The following CENPC variants were observed in gnomAD, a reference collection of about 807,000 sequenced individuals.
The protein encoded by CENPC is CENP-C 1.
Under a neutral mutation model 112.1 loss-of-function variants are expected in CENPC, and 63 were observed. The ratio of observed to expected loss-of-function variants is 0.56; its 90% CI spans 0.46 to 0.69. The LOEUF is 0.69. Ranked by LOEUF, CENPC falls within the 30% of genes least tolerant of loss-of-function variation. CENPC has a pLI of 0.00. For synonymous variants in CENPC, 333 were observed against 367.6 expected (o/e 0.91, Z 1.08); for missense variants, 1,000 against 1,103.8 (o/e 0.91, Z 1.33).
chr4:67,540,888 A>T, intron 3 of CENPC, 92 bp downstream of exon 3: 1 of 896,552 alleles, frequency 1.1e-6, no homozygotes, highest in South Asian at 1.5e-5. Flanking sequence ...TAAACCCTAG[A>T]ACATATTTGC....
intron 12 of CENPC, among the ~76,000 whole-genome samples, chr4:67,504,018 A>C (rs1467607829): frequency 6.6e-6 from 1 of 150,650 alleles, no homozygotes; most frequent in Admixed American, 6.7e-5. Context: ...AGATAAGGAA[A>C]CTGAAGTTTA....
intron 2 of CENPC, among the ~76,000 whole-genome samples, chr4:67,543,809 T>A (rs577942034): frequency 3.3e-5 from 5 of 152,328 alleles, no homozygotes; most frequent in African/African-American, 1.2e-4. Context: ...CACGACAGCA[T>A]GTACTATTTT....
At chr4:67,508,097 A>C (rs1041696506) in intron 10 of CENPC, among the ~76,000 whole-genome samples, 4 of 152,170 alleles carry the variant, frequency 2.6e-5, no homozygotes, top group African/African-American at 9.7e-5. Flanking sequence ...GAACTCAAAA[A>C]ATGTTAACTA....
chr4:67,469,915 T>C lies in CENPC; in HGVS notation c.*2690A>G, dbSNP rs1002484352. ...CCACTGAAAAAGAGCTCCAGAAATC[T>C]GCACGAGGTGCCCAAGAACAGAACT... On this transcript the variant is annotated 3_prime_UTR_variant, in exon 19 of 19. Transcript: ENST00000273853. The C allele has an allele frequency of 1.3e-5, 2 of 152,362 alleles. No individual in the cohort carries two copies. The highest frequency in any genetic ancestry group is 1.3e-4 in the Admixed American group (2 of 15,306). The allele number at this position is 152,362 out of a possible 1,614,324, so 9.4% of individuals were successfully genotyped here. A position where few individuals can be genotyped will look rare whatever the true frequency, so the allele number is the denominator to read the frequency against.
At chr4:67,544,117 A>C in intron 2 of CENPC, 32 bp downstream of exon 2, 2 of 1,197,772 alleles carry the variant, frequency 1.7e-6, no homozygotes, top group Non-Finnish European at 2.5e-6. Context: ...TGAGAATAAA[A>C]ATAATCTTAA....
intron 9 of CENPC, among the ~76,000 whole-genome samples, chr4:67,511,594 G>C (rs1231892187): frequency 6.6e-6 from 1 of 152,122 alleles, no homozygotes; most frequent in East Asian, 1.9e-4. Context: ...ATTGGCAAAC[G>C]TGGTGTTGTG....
chr4:67,523,264 G>T (rs66690864), intron 5 of CENPC, among the ~76,000 whole-genome samples: 34,114 of 151,898 alleles, frequency 0.22, 4,392 homozygotes, highest in Middle Eastern at 0.36. Flanking sequence ...AGTGAGCCGA[G>T]ATCACGCCAC....
rs1202885312 is a variant in CENPC, at chr4:67,469,722, A to G, written c.*2883T>C. 1 of 152,242 alleles carries G rather than the reference A, an allele frequency of 6.6e-6. No homozygotes were observed. Among genetic ancestry groups the G allele is most frequent in the East Asian group, 1.9e-4 (1 of 5,202 alleles). 9.4% of individuals were successfully genotyped at this position (152,242 alleles called of 1,614,324 possible). A position where few individuals can be genotyped will look rare whatever the true frequency, so the allele number is the denominator to read the frequency against. ...GGCAGGACTGTGATTCTTTAAAGAC[A>G]TGAAATTAACTCCATAGTCACCCAG... On this transcript the variant is annotated 3_prime_UTR_variant, in exon 19 of 19. Coordinates refer to ENST00000273853, the MANE Select transcript of CENPC (RefSeq NM_001812.4).
chr4:67,475,224 G>A (rs547010035), intron 17 of CENPC, among the ~76,000 whole-genome samples: 2 of 152,324 alleles, frequency 1.3e-5, no homozygotes, highest in Admixed American at 6.5e-5. Context: ...TCTCCTGCTG[G>A]AAGCAGAGAA....
At position 67,508,825 on chromosome 4, in the gene CENPC, A is replaced by C; in HGVS notation, c.1893T>G (p.Leu631=). The change falls in exon 10 of 19, where the codon CTT becomes CTG. Residue 631 remains leucine, a synonymous_variant. Coordinates refer to ENST00000273853, the MANE Select transcript of CENPC (RefSeq NM_001812.4). The part of the protein sequence containing the change: ...DEADLAKKKN[L]DCSRSTRSSK... The stretch of plus-strand genomic sequence containing the variant: ...ATAACAGACATTACCTAGAACAATC[A>C]AGATTTTTCTTCTTAGCCAAGTCTG... The C allele has an allele frequency of 6.2e-7, 1 of 1,613,032 alleles. No individual in the cohort carries two copies. The highest frequency in any genetic ancestry group is 8.5e-7 in the Non-Finnish European group (1 of 1,179,488).
At chr4:67,525,306 CA>C (rs1384596391) in intron 5 of CENPC, among the ~76,000 whole-genome samples, 1 of 152,108 alleles carries the variant, frequency 6.6e-6, no homozygotes, top group East Asian at 1.9e-4. Flanking sequence ...GCAATTGCAA[CA>C]AAAGCCAAAA....
chr4:67,513,563 G>A (rs993370633), intron 8 of CENPC, among the ~76,000 whole-genome samples: 3 of 152,064 alleles, frequency 2.0e-5, no homozygotes, highest in Non-Finnish European at 4.4e-5. Context: ...TCCTATGCAT[G>A]TATGTATATT....
Position 67,540,988 on chromosome 4 carries a change from T to G in CENPC, c.128A>C (p.Glu43Ala). The G allele has an allele frequency of 6.2e-7, 1 of 1,606,386 alleles. No individual in the cohort carries two copies. The highest frequency in any genetic ancestry group is 8.5e-7 in the Non-Finnish European group (1 of 1,175,818). The change falls in exon 3 of 19, where the codon GAA becomes GCA. Residue 43 changes from glutamate (E) to alanine (A), a missense_variant. Coordinates refer to ENST00000273853, the MANE Select transcript of CENPC (RefSeq NM_001812.4). ...NVLEILQDCF[E>A]EKSLANDFST... is the part of the protein sequence containing the mutation. ...TTGAAATGAAGCCTTACTTTTTTCT[T>G]CAAAACAGTCTTGTAAGATTTCCAG...
chr4:67,471,310 A>G lies in CENPC; in HGVS notation c.*1295T>C, dbSNP rs1724654707. ...GTCCAGTCAAAATGCTAAATTTAAA[A>G]CAATACAAATCCCTTAGATATAAAA... On this transcript the variant is annotated 3_prime_UTR_variant, in exon 19 of 19. Transcript: ENST00000273853. The G allele has an allele frequency of 6.6e-6, 1 of 152,198 alleles. No homozygotes were observed. The highest frequency in any genetic ancestry group is 1.5e-5 in the Non-Finnish European group (1 of 68,032). The allele number at this position is 152,198 out of a possible 1,614,324, so 9.4% of individuals were successfully genotyped here. A position where few individuals can be genotyped will look rare whatever the true frequency, so the allele number is the denominator to read the frequency against.
intron 5 of CENPC, among the ~76,000 whole-genome samples, chr4:67,520,991 G>A (rs355505): frequency 4.4e-4 from 67 of 151,596 alleles, no homozygotes; most frequent in African/African-American, 1.6e-3. Flanking sequence ...CAGCCTGAGC[G>A]ACAGAGCAAG....
chr4:67,521,811 C>T (rs1484566388), intron 5 of CENPC, among the ~76,000 whole-genome samples: 1 of 152,164 alleles, frequency 6.6e-6, no homozygotes. Flanking sequence ...AATTCTGACA[C>T]ATACTACAAC....
intron 5 of CENPC, among the ~76,000 whole-genome samples, chr4:67,527,032 C>T (rs1380721339): frequency 6.6e-6 from 1 of 152,032 alleles, no homozygotes; most frequent in African/African-American, 2.4e-5. Context: ...TTCTAAATAA[C>T]CAATAGGCTA....
intron 9 of CENPC, chr4:67,511,033 A>G (rs1326139238): frequency 4.4e-6 from 2 of 456,056 alleles, no homozygotes; most frequent in African/African-American, 4.0e-5. Context: ...AACCTGGGGC[A>G]GAAAAGTGAG....
intron 17 of CENPC, among the ~76,000 whole-genome samples, chr4:67,482,464 G>A (rs1724981529): frequency 1.3e-5 from 2 of 152,196 alleles, no homozygotes; most frequent in Admixed American, 1.3e-4. Flanking sequence ...ATTTATAGCA[G>A]CATAATGTGC....
Sources: allele counts gnomAD v4.1 joint callset (sites outside exome capture counted in the v4.1 genomes callset), GRCh38; gene constraint gnomAD v4.1.1; transcripts MANE v1.5; gene names NCBI Gene and HGNC (gene_info 2026-07-23, HGNC 2026-07-21).